RAPGEF5: variants seen among roughly 807,000 people sequenced by gnomAD.
RAPGEF5 encodes Rap guanine nucleotide exchange factor 5, also known as M-Ras-regulated GEF.
A neutral mutation model predicts 125.2 loss-of-function variants in RAPGEF5; 65 were observed. The ratio of observed to expected loss-of-function variants is 0.52; its 90% CI spans 0.43 to 0.64. The LOEUF (loss-of-function observed/expected upper bound fraction) is 0.64, where lower values mean the gene tolerates loss of function less well. RAPGEF5 is among the 30% of genes least tolerant of loss of function. The pLI, the probability that RAPGEF5 is intolerant of heterozygous loss-of-function variation, is 0.00. For synonymous variants in RAPGEF5, 391 were observed against 385.9 expected, an observed-to-expected ratio of 1.01 and a Z score of -0.16; for missense variants, 958 against 1,048.1, an observed-to-expected ratio of 0.91 and a Z score of 1.19.
At chr7:22,190,109 G>T (rs1264304077) in intron 11 of RAPGEF5, among the ~76,000 whole-genome samples, 1 of 152,070 alleles carries the variant, frequency 6.6e-6, no homozygotes, top group East Asian at 1.9e-4. Flanking sequence ...GTGAAACTCT[G>T]TCCCTACCAA....
intron 7 of RAPGEF5, 27 bp downstream of exon 7, chr7:22,266,937 C>A (rs1451864195): frequency 1.9e-6 from 3 of 1,586,612 alleles, no homozygotes; most frequent in Non-Finnish European, 2.6e-6. Flanking sequence ...TTAGAATCTT[C>A]CTCCAGCCCC....
chr7:22,157,757 G>A (rs895117190), intron 15 of RAPGEF5, 98 bp downstream of exon 15: 32 of 1,332,886 alleles, frequency 2.4e-5, no homozygotes, highest in East Asian at 1.2e-4. Flanking sequence ...TGTTCTGCTC[G>A]AGGCAGTATT....
chr7:22,197,269 AAGTC>A (rs998417797), intron 9 of RAPGEF5, among the ~76,000 whole-genome samples: 35 of 152,356 alleles, frequency 2.3e-4, no homozygotes, highest in Admixed American at 1.7e-3. Context: ...TAAAGGAAAT[AAGTC>A]AGCTTGAAGA....
intron 24 of RAPGEF5, among the ~76,000 whole-genome samples, chr7:22,128,979 T>C (rs1033372350): frequency 6.6e-5 from 10 of 152,206 alleles, no homozygotes; most frequent in African/African-American, 2.4e-4. Flanking sequence ...CATTTAGACC[T>C]CCTTCATTTC....
chr7:22,185,570 A>G (rs1329596492), intron 11 of RAPGEF5, among the ~76,000 whole-genome samples: 1 of 152,226 alleles, frequency 6.6e-6, no homozygotes, highest in Non-Finnish European at 1.5e-5. Context: ...CCAAAATCCA[A>G]ACCAAACCAA....
chr7:22,130,010 T>C (rs949201315), intron 24 of RAPGEF5, among the ~76,000 whole-genome samples: 2 of 152,144 alleles, frequency 1.3e-5, no homozygotes, highest in Non-Finnish European at 2.9e-5. Context: ...TCTTTGATCA[T>C]GGTCTGTGGT....
intron 5 of RAPGEF5, among the ~76,000 whole-genome samples, chr7:22,294,176 G>T (rs1035272630): frequency 3.3e-5 from 5 of 152,242 alleles, no homozygotes. Context: ...AGTGATTAGA[G>T]AAAGAAAATA....
At chr7:22,283,677 T>C (rs1000632104) in intron 6 of RAPGEF5, among the ~76,000 whole-genome samples, 14 of 152,206 alleles carry the variant, frequency 9.2e-5, no homozygotes, top group African/African-American at 2.7e-4. Context: ...AGTCAAATGG[T>C]ATATTTCTAT....
chr7:22,150,499 G>A lies in RAPGEF5; in HGVS notation c.1792C>T (p.His598Tyr), dbSNP rs747054929. ...ACTAAGTCATTTGGCTGAAGTTCAT[G>A]CTTTTCTTTATTTGAAAAAAAAAAA... ...LVAITFSGEK[H>Y]ELQPNDLVIS... The change falls in exon 18 of 26, where the codon CAT becomes TAT. Residue 598 changes from histidine to tyrosine, a missense_variant. Coordinates refer to ENST00000665637, the MANE Select transcript of RAPGEF5 (RefSeq NM_012294.5). 8 of 1,425,698 alleles carry A rather than the reference G, an allele frequency of 5.6e-6. No individual in the cohort carries two copies. The highest frequency in any genetic ancestry group is 7.4e-6 in the Non-Finnish European group (8 of 1,075,594). The allele number at this position is 1,425,698 out of a possible 1,614,324, so 88.3% of individuals were successfully genotyped here. A position where few individuals can be genotyped will look rare whatever the true frequency, so the allele number is the denominator to read the frequency against.
At chr7:22,317,940 G>A (rs745952031) in intron 2 of RAPGEF5, 47 bp downstream of exon 2, 1 of 1,543,290 alleles carries the variant, frequency 6.5e-7, no homozygotes, top group South Asian at 1.2e-5. Flanking sequence ...ATCAGAATTT[G>A]TCAATCACTA....
chr7:22,344,573 C>T (rs779844941), intron 1 of RAPGEF5, among the ~76,000 whole-genome samples: 1 of 152,166 alleles, frequency 6.6e-6, no homozygotes, highest in African/African-American at 2.4e-5. Flanking sequence ...CCTCTTGCTC[C>T]TCCTGACCTA....
chr7:22,147,081 G>T, intron 18 of RAPGEF5, 62 bp from the exon 19 acceptor site: 1 of 1,573,304 alleles, frequency 6.4e-7, no homozygotes, highest in Admixed American at 1.9e-5. Context: ...TGCATTGGCT[G>T]GCTGTAGAAA....
intron 8 of RAPGEF5, among the ~76,000 whole-genome samples, chr7:22,226,634 A>T (rs1785925295): frequency 6.6e-6 from 1 of 152,184 alleles, no homozygotes; most frequent in Non-Finnish European, 1.5e-5. Context: ...CCTAATGGAA[A>T]GTGTGATAGT....
chr7:22,222,879 A>T (rs577625982), intron 8 of RAPGEF5, among the ~76,000 whole-genome samples: 26 of 152,210 alleles, frequency 1.7e-4, no homozygotes, highest in African/African-American at 5.5e-4. Context: ...TGTGGTTCTA[A>T]CCACTGGATA....
intron 11 of RAPGEF5, among the ~76,000 whole-genome samples, chr7:22,184,763 A>G (rs1784778740): frequency 6.6e-6 from 1 of 152,256 alleles, no homozygotes; most frequent in Non-Finnish European, 1.5e-5. Flanking sequence ...TAAAAGCATC[A>G]GTTCCCTTGT....
intron 17 of RAPGEF5, 71 bp from the exon 18 acceptor site, chr7:22,150,575 G>A: frequency 2.0e-6 from 3 of 1,484,794 alleles, no homozygotes; most frequent in Non-Finnish European, 1.8e-6. Flanking sequence ...GGCCTACACA[G>A]TACACTTAAA....
chr7:22,296,354 C>T (rs964179377), intron 5 of RAPGEF5, among the ~76,000 whole-genome samples: 10 of 152,084 alleles, frequency 6.6e-5, no homozygotes, highest in African/African-American at 2.4e-4. Context: ...GGAGGAGCCA[C>T]ACAGGGAGGC....
chr7:22,253,565 C>T (rs113828899), intron 7 of RAPGEF5, among the ~76,000 whole-genome samples: 7,146 of 152,176 alleles, frequency 0.047, 221 homozygotes, highest in South Asian at 0.073. Context: ...CCTCTTATAA[C>T]GTAGCATTTT....
At chr7:22,185,445 C>G (rs1168239915) in intron 11 of RAPGEF5, among the ~76,000 whole-genome samples, 1 of 152,204 alleles carries the variant, frequency 6.6e-6, no homozygotes, top group Non-Finnish European at 1.5e-5. Context: ...TTCTAATTAT[C>G]TCATCACTTT....
Sources: gnomAD v4.1 joint callset for allele counts (sites outside exome capture counted in the v4.1 genomes callset) on GRCh38, gnomAD v4.1.1 for gene constraint, MANE v1.5 for transcripts, NCBI Gene and HGNC (gene_info 2026-07-23, HGNC 2026-07-21) for gene names.